The following CACNB2 variants were observed in gnomAD, a reference collection of about 807,000 sequenced individuals.
CACNB2 encodes voltage-dependent L-type calcium channel subunit beta-2.
Under a neutral mutation model 73.3 loss-of-function variants are expected in CACNB2, and 42 were observed. The observed-to-expected ratio is 0.57, with a 90% CI of 0.45 to 0.74. The LOEUF (loss-of-function observed/expected upper bound fraction) is 0.74. Ranked by LOEUF, CACNB2 falls within the 30% of genes least tolerant of loss-of-function variation. The pLI is 0.00. For missense variants in CACNB2, 940 were observed against 853.0 expected (o/e 1.10, Z -1.27); for synonymous variants, 348 against 310.3 (o/e 1.12, Z -1.28).
intron 2 of CACNB2, among the ~76,000 whole-genome samples, chr10:18,265,986 C>G (rs946569282): frequency 6.6e-6 from 1 of 152,180 alleles, no homozygotes; most frequent in Admixed American, 6.5e-5. Flanking sequence ...AAGATCCACA[C>G]TTTCCATAGT....
chr10:18,154,643 T>A (rs1193507354), intron 2 of CACNB2, among the ~76,000 whole-genome samples: 1 of 152,126 alleles, frequency 6.6e-6, no homozygotes, highest in Admixed American at 6.5e-5. Flanking sequence ...AATATTCGTA[T>A]TTTTAGTAGA....
At chr10:18,535,052 A>C (rs1564667792) in intron 11 of CACNB2, among the ~76,000 whole-genome samples, 1 of 152,226 alleles carries the variant, frequency 6.6e-6, no homozygotes, top group Non-Finnish European at 1.5e-5. Flanking sequence ...CTCTGAGATC[A>C]ATGGTAATAT....
chr10:18,500,867 G>T lies in CACNB2; in HGVS notation c.512G>T (p.Gly171Val), dbSNP rs1564623474. 6.2e-7 allele frequency: 1 copy of T among 1,613,900 alleles called. No individual in the cohort carries two copies. The highest frequency in any genetic ancestry group is 1.6e-4 in the Middle Eastern group (1 of 6,062). ...TTGGTAAAAGAAGGCTGTGAAATCGGATTCATTCCAAGCCCAGTCAAACTA... is the reference window on the plus strand; with the variant it reads ...TTGGTAAAAGAAGGCTGTGAAATCGTATTCATTCCAAGCCCAGTCAAACTA... ...GRLVKEGCEI[G>V]FIPSPVKLEN... Residue 171 changes from glycine (G) to valine (V), a missense_variant, in exon 5 of 14, where the codon GGA becomes GTA. Physicochemically the swap from Gly to Val is moderately radical, Grantham distance 109. Coordinates refer to ENST00000324631, the MANE Select transcript of CACNB2 (RefSeq NM_201596.3).
rs187983238 is a variant in CACNB2, at chr10:18,542,020, C to T, written c.*2296C>T. 1 of 151,966 alleles carries T rather than the reference C, an allele frequency of 6.6e-6. No individual in the cohort carries two copies. Among genetic ancestry groups the T allele is most frequent in the East Asian group, 1.9e-4 (1 of 5,158 alleles). The allele number at this position is 151,966 out of a possible 1,614,324, so 9.4% of individuals were successfully genotyped here. ...TTTAACTCCTTATTTCCCTTACCCCCAAGAAAACGCAATATTAAAAATGAT... is the reference window on the plus strand; with the variant it reads ...TTTAACTCCTTATTTCCCTTACCCCTAAGAAAACGCAATATTAAAAATGAT... On this transcript the variant is annotated 3_prime_UTR_variant, in exon 14 of 14. Transcript: ENST00000324631.
intron 3 of CACNB2, among the ~76,000 whole-genome samples, chr10:18,443,469 C>T (rs1433589021): frequency 6.6e-6 from 1 of 152,098 alleles, no homozygotes; most frequent in African/African-American, 2.4e-5. Context: ...GCTTCTCCTG[C>T]TATGGGTTAT....
At chr10:18,480,635 C>G (rs1441231394) in intron 3 of CACNB2, among the ~76,000 whole-genome samples, 2 of 152,170 alleles carry the variant, frequency 1.3e-5, no homozygotes, top group Admixed American at 1.3e-4. Flanking sequence ...CTAAGTCTAC[C>G]AAGTGTAGCT....
At chr10:18,203,578 A>G (rs1459885013) in intron 2 of CACNB2, among the ~76,000 whole-genome samples, 2 of 152,206 alleles carry the variant, frequency 1.3e-5, no homozygotes, top group African/African-American at 2.4e-5. Context: ...ACATGAATAA[A>G]TAAACACCCA....
chr10:18,366,570 A>G (rs1392864609), intron 2 of CACNB2, among the ~76,000 whole-genome samples: 2 of 146,098 alleles, frequency 1.4e-5, no homozygotes, highest in Non-Finnish European at 3.0e-5. Context: ...TGGGCTGGGC[A>G]GAGTGGCTCA....
chr10:18,166,702 A>T (rs1249756195), intron 2 of CACNB2, among the ~76,000 whole-genome samples: 1 of 152,130 alleles, frequency 6.6e-6, no homozygotes, highest in Non-Finnish European at 1.5e-5. Flanking sequence ...TGGCTCTAGA[A>T]TGGAGACAGG....
intron 2 of CACNB2, among the ~76,000 whole-genome samples, chr10:18,242,400 G>T (rs1460216975): frequency 6.6e-6 from 1 of 152,132 alleles, no homozygotes; most frequent in African/African-American, 2.4e-5. Context: ...TAGAATAAAT[G>T]TGTTGATTTA....
Position 18,156,862 on chromosome 10 carries a change from C to G in CACNB2, c.213+5887C>G, listed in dbSNP as rs562192764. On this transcript the variant is annotated intron_variant, in intron 2 of 13. Transcript: ENST00000324631. ...TGACCAACATGGAGAAACCCTGTCT[C>G]TACTAAAAGTAGAAAAAAAAAAAAA... Among the ~76,000 whole-genome samples the G allele has an allele frequency of 3.4e-5, 5 of 145,094 alleles. No homozygotes were observed. The South Asian group carries it at 6.7e-4, about 19-fold the overall frequency.
Position 18,536,126 on chromosome 10 carries a change from G to A in CACNB2, c.1232G>A (p.Arg411Gln), listed in dbSNP as rs763862968. 2.5e-6 allele frequency: 4 copies of A among 1,610,346 alleles called. No homozygotes were observed. The highest frequency in any genetic ancestry group is 1.3e-5 in the African/African-American group (1 of 74,748). Residue 411 changes from arginine to glutamine, a missense_variant, in exon 12 of 14, where the codon CGA (arginine) becomes CAA (glutamine). Arg to Gln is a conservative substitution (Grantham distance 43). Transcript: ENST00000324631. ...PKVLQRLIKS[R>Q]GKSQAKHLNV... is the part of the protein sequence containing the mutation. ...GTTTTACAAAGGTTAATAAAATCTC[G>A]AGGGAAATCTCAAGCTAAACACCTC... is the stretch of plus-strand genomic sequence containing the variant.
chr10:18,502,595 G>T (rs1033300529), intron 5 of CACNB2, among the ~76,000 whole-genome samples: 1 of 145,840 alleles, frequency 6.9e-6, no homozygotes, highest in Non-Finnish European at 1.5e-5. Context: ...AGAAGCTGAG[G>T]CAGAGAATCA....
chr10:18,222,955 T>C (rs1462219531), intron 2 of CACNB2, among the ~76,000 whole-genome samples: 1 of 152,104 alleles, frequency 6.6e-6, no homozygotes, highest in Non-Finnish European at 1.5e-5. Context: ...AAATAAAAGA[T>C]GTGAAACTTG....
At chr10:18,455,583 G>GT in intron 3 of CACNB2, among the ~76,000 whole-genome samples, 1 of 152,338 alleles carries the variant, frequency 6.6e-6, no homozygotes, top group East Asian at 1.9e-4. Flanking sequence ...GAAAATGCTG[G>GT]TGAAGGAGTT....
chr10:18,329,305 T>G (rs1200889982), intron 2 of CACNB2, among the ~76,000 whole-genome samples: 1 of 152,158 alleles, frequency 6.6e-6, no homozygotes, highest in Non-Finnish European at 1.5e-5. Context: ...CCTGGTAAAG[T>G]GCTAAGCAAT....
chr10:18,334,226 G>A (rs985569397), intron 2 of CACNB2, among the ~76,000 whole-genome samples: 1 of 152,136 alleles, frequency 6.6e-6, no homozygotes, highest in African/African-American at 2.4e-5. Flanking sequence ...AAGGACAAAT[G>A]TTCCACGGTG....
At chr10:18,310,662 AC>A (rs1461027423) in intron 2 of CACNB2, among the ~76,000 whole-genome samples, 1 of 149,226 alleles carries the variant, frequency 6.7e-6, no homozygotes, top group Non-Finnish European at 1.5e-5. Context: ...AAGAAAAGAA[AC>A]CCACCCACTG....
chr10:18,348,876 T>C (rs1776312028), intron 2 of CACNB2, among the ~76,000 whole-genome samples: 1 of 152,122 alleles, frequency 6.6e-6, no homozygotes, highest in Non-Finnish European at 1.5e-5. Context: ...CCTAGCACTT[T>C]AGGAGGCCAA....
Sources: gnomAD v4.1 joint callset for allele counts (sites outside exome capture counted in the v4.1 genomes callset) on GRCh38, gnomAD v4.1.1 for gene constraint, MANE v1.5 for transcripts, NCBI Gene and HGNC (gene_info 2026-07-23, HGNC 2026-07-21) for gene names.